Variants in NPAS3 observed in about 807,000 individuals in gnomAD.
The protein encoded by NPAS3 is neuronal PAS domain protein 3, also known as neuronal PAS domain-containing protein 3.
Under a neutral mutation model 73.1 loss-of-function variants are expected in NPAS3, and 14 were observed. That is an observed-to-expected ratio of 0.19 (90% CI 0.13 to 0.30). NPAS3 has a LOEUF of 0.30. NPAS3 is among the 10% of genes least tolerant of loss of function. The pLI is 1.00. For synonymous variants in NPAS3, 620 were observed against 541.5 expected (o/e 1.14, Z -2.01); for missense variants, 1,096 against 1,250.0 (o/e 0.88, Z 1.86).
At chr14:33,574,503 C>T (rs1038926275) in intron 5 of NPAS3, among the ~76,000 whole-genome samples, 5 of 152,048 alleles carry the variant, frequency 3.3e-5, no homozygotes, top group African/African-American at 7.2e-5. Context: ...CAGTGGCTTG[C>T]GGGGCCAGAG....
intron 5 of NPAS3, among the ~76,000 whole-genome samples, chr14:33,607,088 T>C (rs898459078): frequency 6.6e-6 from 1 of 152,190 alleles, no homozygotes. Context: ...AGAATGCTCA[T>C]ACATTGTTGA....
At chr14:33,450,243 G>A (rs957821341) in intron 4 of NPAS3, among the ~76,000 whole-genome samples, 3 of 152,230 alleles carry the variant, frequency 2.0e-5, no homozygotes, top group South Asian at 4.1e-4. Flanking sequence ...GATGTTTCTC[G>A]GTTCTACAGC....
intron 2 of NPAS3, among the ~76,000 whole-genome samples, chr14:33,178,706 C>T (rs550895665): frequency 6.6e-6 from 1 of 152,204 alleles, no homozygotes; most frequent in African/African-American, 2.4e-5. Flanking sequence ...TTTAGATGCT[C>T]TAGTAGTTTT....
intron 1 of NPAS3, among the ~76,000 whole-genome samples, chr14:32,981,419 A>G (rs2037892330): frequency 6.6e-6 from 1 of 152,226 alleles, no homozygotes; most frequent in Admixed American, 6.5e-5. Context: ...TAGAAATGAA[A>G]TGAATCTACC....
At chr14:33,425,932 A>G (rs2048538064) in intron 4 of NPAS3, among the ~76,000 whole-genome samples, 1 of 152,070 alleles carries the variant, frequency 6.6e-6, no homozygotes, top group Non-Finnish European at 1.5e-5. Context: ...GGGACCTAGC[A>G]GTGTGTTTCA....
intron 6 of NPAS3, among the ~76,000 whole-genome samples, chr14:33,685,565 G>C (rs2060065681): frequency 6.6e-6 from 1 of 152,264 alleles, no homozygotes; most frequent in South Asian, 2.1e-4. Context: ...CTCTGTAGGA[G>C]TGTCCTGAGT....
chr14:33,345,227 A>G (rs1274487402), intron 3 of NPAS3, among the ~76,000 whole-genome samples: 1 of 152,234 alleles, frequency 6.6e-6, no homozygotes, highest in Non-Finnish European at 1.5e-5. Context: ...ACCTGTGCAA[A>G]CTTATCTTCT....
Position 33,180,811 on chromosome 14 carries a change from A to C in NPAS3, c.141-34371A>C, listed in dbSNP as rs61593240. Among the ~76,000 whole-genome samples the C allele has an allele frequency of 2.5e-3, 381 of 151,006 alleles. 7 individuals are homozygous for C. The highest frequency in any genetic ancestry group is 9.0e-3 in the African/African-American group (373 of 41,252). The stretch of plus-strand genomic sequence containing the variant: ...GAGACACTGTCTCCAAGAAAAAAAA[A>C]AAAAAAAAAAAAAAGACACGGTAGG... On this transcript the variant is annotated intron_variant, in intron 2 of 11. Transcript: ENST00000356141.
At position 33,776,521 on chromosome 14, in the gene NPAS3, T is replaced by TAAAAAAA. The variant is rs552348267; in HGVS notation, c.1047-1911_1047-1905dup. On this transcript the variant is annotated intron_variant, in intron 8 of 11. Coordinates refer to ENST00000356141, the Ensembl canonical transcript of NPAS3. ...CTGCTTTTGGCGTTTTTCTTCCTCT[T>TAAAAAAA]AAAAAAAAAAAAAAAAAAAAAAAAA... is the stretch of plus-strand genomic sequence containing the variant. Among the ~76,000 whole-genome samples, 9 of 32,060 alleles carry TAAAAAAA rather than the reference T, an allele frequency of 2.8e-4. 3 individuals carry two copies. Among genetic ancestry groups the TAAAAAAA allele is most frequent in the East Asian group, 2.2e-3 (2 of 898 alleles). 21.0% of individuals were successfully genotyped at this position (32,060 alleles called of 152,430 possible).
chr14:33,230,753 T>C (rs1308778017), intron 3 of NPAS3, among the ~76,000 whole-genome samples: 1 of 152,204 alleles, frequency 6.6e-6, no homozygotes, highest in Non-Finnish European at 1.5e-5. Context: ...TATTCTTATT[T>C]TTCTTTTAAA....
intron 3 of NPAS3, among the ~76,000 whole-genome samples, chr14:33,296,957 G>A (rs965664931): frequency 1.3e-5 from 2 of 152,102 alleles, no homozygotes; most frequent in African/African-American, 4.8e-5. Context: ...AGGCAGTGCT[G>A]GACTTTATTT....
At chr14:33,330,222 G>A (rs2043920954) in intron 3 of NPAS3, among the ~76,000 whole-genome samples, 1 of 152,110 alleles carries the variant, frequency 6.6e-6, no homozygotes, top group Non-Finnish European at 1.5e-5. Context: ...CAGCCTGGGT[G>A]ACAGAGTGAG....
intron 6 of NPAS3, chr14:33,680,788 G>T: frequency 1.1e-5 from 7 of 613,142 alleles, no homozygotes; most frequent in Non-Finnish European, 2.9e-6. Flanking sequence ...TTAGCAAAAT[G>T]CATGAGGCAG....
chr14:33,471,639 A>G (rs1228756171), intron 4 of NPAS3, among the ~76,000 whole-genome samples: 1 of 152,250 alleles, frequency 6.6e-6, no homozygotes, highest in Non-Finnish European at 1.5e-5. Context: ...AGTAGTTGAT[A>G]TCACCGTCCT....
chr14:33,663,226 T>C (rs1423894724), intron 5 of NPAS3, among the ~76,000 whole-genome samples: 1 of 152,158 alleles, frequency 6.6e-6, no homozygotes, highest in African/African-American at 2.4e-5. Context: ...ATAGCTCTTA[T>C]TATTTTGAGA....
intron 2 of NPAS3, among the ~76,000 whole-genome samples, chr14:33,090,816 C>A (rs2042199405): frequency 6.6e-6 from 1 of 152,210 alleles, no homozygotes; most frequent in Non-Finnish European, 1.5e-5. Flanking sequence ...ACTGTGCCAT[C>A]AAACTAGAAC....
intron 2 of NPAS3, among the ~76,000 whole-genome samples, chr14:33,078,022 C>G (rs1373899024): frequency 5.9e-5 from 9 of 151,642 alleles, no homozygotes; most frequent in African/African-American, 2.2e-4. Context: ...GCCTATAGTC[C>G]CAGCTACTCC....
intron 3 of NPAS3, among the ~76,000 whole-genome samples, chr14:33,226,714 C>A (rs1008968565): frequency 2.6e-5 from 4 of 152,134 alleles, no homozygotes; most frequent in African/African-American, 9.7e-5. Context: ...GTGAATGCTA[C>A]CGTACTAAGT....
intron 6 of NPAS3, among the ~76,000 whole-genome samples, chr14:33,687,843 C>G (rs988886591): frequency 5.3e-5 from 8 of 152,302 alleles, no homozygotes; most frequent in African/African-American, 1.7e-4. Context: ...AATGTCTCTG[C>G]TCTCCCAGAA....
Sources: gnomAD v4.1 joint callset for allele counts (sites outside exome capture counted in the v4.1 genomes callset) on GRCh38, gnomAD v4.1.1 for gene constraint, MANE v1.5 for transcripts, NCBI Gene and HGNC (gene_info 2026-07-23, HGNC 2026-07-21) for gene names.